The following ADAMTS16 variants were observed in gnomAD, a reference collection of about 807,000 sequenced individuals.
ADAMTS16 encodes ADAM metallopeptidase with thrombospondin type 1 motif 16, also known as A disintegrin and metalloproteinase with thrombospondin motifs 16.
In ADAMTS16, 94 loss-of-function variants were observed where a neutral mutation model predicts 145.8. That is an observed-to-expected ratio of 0.64 (90% CI 0.55 to 0.77). ADAMTS16 has a LOEUF of 0.77. Ranked by LOEUF, ADAMTS16 falls within the 30% of genes least tolerant of loss-of-function variation. The probability of loss-of-function intolerance (pLI) is 0.00; values close to 1 mark genes in which losing one functional copy is unlikely to be tolerated. For missense variants in ADAMTS16, 1,585 were observed against 1,591.5 expected (o/e 1.00, Z 0.07); for synonymous variants, 659 against 604.3 (o/e 1.09, Z -1.33).
rs77811364 is a variant in ADAMTS16, at chr5:5,174,376, T to G, written c.502-7668T>G. ...TTTTCTCTTGTTGCTTTTAGGATTTTTTTTTTCTTTATCATTGATCTTTGG... is the reference window on the plus strand; with the variant it reads ...TTTTCTCTTGTTGCTTTTAGGATTTGTTTTTTCTTTATCATTGATCTTTGG... On this transcript the variant is annotated intron_variant, in intron 3 of 22. Coordinates refer to ENST00000274181, the MANE Select transcript of ADAMTS16 (RefSeq NM_139056.4). 5.8e-4 allele frequency among the ~76,000 whole-genome samples: 89 copies of G among 152,290 alleles called. 2 individuals are homozygous for G. In the East Asian group the frequency reaches 0.016, roughly 28 times the overall value.
intron 17 of ADAMTS16, among the ~76,000 whole-genome samples, chr5:5,255,783 T>C (rs537292296): frequency 2.6e-5 from 4 of 152,366 alleles, no homozygotes; most frequent in Admixed American, 1.3e-4. Flanking sequence ...TTCAACATAT[T>C]GACCTCTGTT....
At chr5:5,271,776 T>A (rs1180454873) in intron 18 of ADAMTS16, among the ~76,000 whole-genome samples, 3 of 152,198 alleles carry the variant, frequency 2.0e-5, no homozygotes, top group Non-Finnish European at 2.9e-5. Flanking sequence ...AGAGTCTAGA[T>A]AACGCCGAGT....
chr5:5,281,707 G>A (rs1738917589), intron 18 of ADAMTS16, among the ~76,000 whole-genome samples: 1 of 152,132 alleles, frequency 6.6e-6, no homozygotes, highest in Non-Finnish European at 1.5e-5. Context: ...GGCCACTGGG[G>A]ATTGTAGAGT....
At chr5:5,156,186 A>G (rs1317522168) in intron 3 of ADAMTS16, among the ~76,000 whole-genome samples, 2 of 152,208 alleles carry the variant, frequency 1.3e-5, no homozygotes, top group Non-Finnish European at 2.9e-5. Flanking sequence ...ATCAGGAAAC[A>G]GAGTTTAAAG....
chr5:5,205,383 T>A (rs1404076493), intron 9 of ADAMTS16, among the ~76,000 whole-genome samples: 1 of 152,068 alleles, frequency 6.6e-6, no homozygotes, highest in East Asian at 1.9e-4. Flanking sequence ...CTCCTACAAG[T>A]TTTATTGTTT....
intron 10 of ADAMTS16, among the ~76,000 whole-genome samples, chr5:5,216,914 T>C (rs1254825275): frequency 6.6e-6 from 1 of 151,730 alleles, no homozygotes; most frequent in African/African-American, 2.4e-5. Context: ...ATTTCATCCA[T>C]GTCCCTACAA....
At position 5,232,525 on chromosome 5, in the gene ADAMTS16, G is replaced by A. The variant is rs1379552105; in HGVS notation, c.1850+9G>A. The A allele has an allele frequency of 1.2e-6, 2 of 1,611,324 alleles. No individual in the cohort carries two copies. The highest frequency in any genetic ancestry group is 2.2e-5 in the East Asian group (1 of 44,810). On this transcript the variant is annotated intron_variant, in intron 12 of 22. Coordinates refer to ENST00000274181, the MANE Select transcript of ADAMTS16 (RefSeq NM_139056.4). ...CTCTGCACCAACCCCAAGTAAGTAT[G>A]CCTTGACCTCCTTCCTCACAAACGA...
chr5:5,239,940 C>T lies in ADAMTS16; in HGVS notation c.2523+15C>T. On this transcript the variant is annotated intron_variant, in intron 16 of 22. Transcript: ENST00000274181. ...TGATTGTGGAGGTAAAGTCCAGCCT[C>T]TTGATTTTGGGGCTTGGATTTTGGG... 6.2e-7 allele frequency: 1 copy of T among 1,611,818 alleles called. No homozygotes were observed. Among genetic ancestry groups the T allele is most frequent in the South Asian group, 1.1e-5 (1 of 90,928 alleles).
At chr5:5,190,268 C>A in intron 7 of ADAMTS16, 138 bp downstream of exon 7, 1 of 879,410 alleles carries the variant, frequency 1.1e-6, no homozygotes, top group Non-Finnish European at 1.6e-6. Context: ...AGACTCACTT[C>A]CCTGTATAAA....
At chr5:5,203,878 C>T (rs765516145) in intron 9 of ADAMTS16, among the ~76,000 whole-genome samples, 2 of 152,100 alleles carry the variant, frequency 1.3e-5, no homozygotes, top group Admixed American at 6.5e-5. Flanking sequence ...GTGTAAGCGG[C>T]GCCGTACCCC....
intron 20 of ADAMTS16, among the ~76,000 whole-genome samples, chr5:5,305,867 C>A (rs1371705628): frequency 6.6e-6 from 1 of 152,254 alleles, no homozygotes; most frequent in Non-Finnish European, 1.5e-5. Flanking sequence ...GGACAGTGTG[C>A]CTTGCTCCTG....
chr5:5,192,921 C>A (rs1262492158), intron 8 of ADAMTS16, among the ~76,000 whole-genome samples: 4 of 152,190 alleles, frequency 2.6e-5, no homozygotes, highest in African/African-American at 7.2e-5. Context: ...GAACCACCAA[C>A]TGGAATGCAA....
chr5:5,152,586 G>C (rs1287293724), intron 3 of ADAMTS16, among the ~76,000 whole-genome samples: 1 of 152,180 alleles, frequency 6.6e-6, no homozygotes, highest in East Asian at 1.9e-4. Flanking sequence ...ATAGAAGTTG[G>C]CTGGGGGTAA....
Position 5,186,301 on chromosome 5 carries a change from G to GGGGTGTGTGTGTGTGT in ADAMTS16, c.963+51_963+52insGGTGTGTGTGTGTGTG, listed in dbSNP as rs368811446. The GGGGTGTGTGTGTGTGT allele has an allele frequency of 5.2e-4, 509 of 987,430 alleles. 3 individuals carry two copies. In the African/African-American group the frequency reaches 8.2e-3, roughly 16 times the overall value. 61.2% of individuals were successfully genotyped at this position (987,430 alleles called of 1,614,324 possible). On this transcript the variant is annotated intron_variant, in intron 5 of 22. Transcript: ENST00000274181. The stretch of plus-strand genomic sequence containing the variant: ...CCACCTGTGTCATTGCACTTCGTAG[G>GGGGTGTGTGTGTGTGT]GTGTGTGTGTGTGTGTGTGTGTGTG...
At position 5,299,388 on chromosome 5, in the gene ADAMTS16, T is replaced by C. The variant is rs914969631; in HGVS notation, c.2790-3880T>C. On this transcript the variant is annotated intron_variant, in intron 18 of 22. Coordinates refer to ENST00000274181, the MANE Select transcript of ADAMTS16 (RefSeq NM_139056.4). ...CCAGACCAGGGCTGGCCTCTGCATC[T>C]GAATTGTCATTATGACACATAATCT... 2.0e-5 allele frequency among the ~76,000 whole-genome samples: 3 copies of C among 152,368 alleles called. No homozygotes were observed. The South Asian group carries it at 6.2e-4, about 32-fold the overall frequency.
intron 11 of ADAMTS16, among the ~76,000 whole-genome samples, chr5:5,229,642 G>T (rs1164497470): frequency 1.3e-5 from 2 of 152,124 alleles, no homozygotes; most frequent in East Asian, 3.9e-4. Flanking sequence ...AAAGATTCCT[G>T]GCTCCTGTCA....
chr5:5,319,026 C>A lies in ADAMTS16; in HGVS notation c.3563C>A (p.Ala1188Asp), dbSNP rs1236742513. Residue 1188 changes from alanine to aspartate, a missense_variant, in exon 23 of 23, where the codon GCC (alanine) becomes GAC (aspartate). Coordinates refer to ENST00000274181, the MANE Select transcript of ADAMTS16 (RefSeq NM_139056.4). ...HFCPIAEKKD[A>D]FCKDYFHWCY... is the part of the protein sequence containing the mutation. Reference sequence around the variant, plus strand: ...ATGCAGCTCTGCTCATTTTCAGATGCCTTCTGCAAAGACTACTTCCACTGG... The same window carrying A: ...ATGCAGCTCTGCTCATTTTCAGATGACTTCTGCAAAGACTACTTCCACTGG... The A allele has an allele frequency of 6.2e-7, 1 of 1,609,816 alleles. No individual in the cohort carries two copies. Among genetic ancestry groups the A allele is most frequent in the Non-Finnish European group, 8.5e-7 (1 of 1,177,504 alleles).
chr5:5,152,491 T>A (rs1414573301), intron 3 of ADAMTS16, among the ~76,000 whole-genome samples: 1 of 152,236 alleles, frequency 6.6e-6, no homozygotes, highest in African/African-American at 2.4e-5. Flanking sequence ...CATGCCTGCC[T>A]GGAACAGAGC....
intron 10 of ADAMTS16, among the ~76,000 whole-genome samples, chr5:5,217,118 T>C (rs1274773664): frequency 6.6e-6 from 1 of 151,980 alleles, no homozygotes; most frequent in Non-Finnish European, 1.5e-5. Flanking sequence ...CCCTATTTAA[T>C]AAATGGTGCT....
Sources: allele counts gnomAD v4.1 joint callset (sites outside exome capture counted in the v4.1 genomes callset), GRCh38; gene constraint gnomAD v4.1.1; transcripts MANE v1.5; gene names NCBI Gene and HGNC (gene_info 2026-07-23, HGNC 2026-07-21).